The following ATRX variants were observed in gnomAD, a reference collection of about 807,000 sequenced individuals.
The protein encoded by ATRX is chromatin remodeler ATRX.
ATRX carries 12 observed loss-of-function variants against 172.6 expected under a neutral mutation model. That is an observed-to-expected ratio of 0.07 (90% CI 0.04 to 0.11). The LOEUF is 0.11. Among genes scored for constraint, ATRX ranks in the 10% least tolerant of loss-of-function variants. ATRX has a pLI of 1.00. For synonymous variants in ATRX, 674 were observed against 594.7 expected (o/e 1.13, Z -1.94); for missense variants, 1,368 against 1,767.4 (o/e 0.77, Z 4.05).
intron 14 of ATRX, among the ~76,000 whole-genome samples, chrX:77,653,408 A>G (rs990360920): frequency 4.5e-5 from 5 of 112,179 alleles, no homozygotes; most frequent in African/African-American, 1.6e-4. Flanking sequence ...ACATGGATGA[A>G]CCTAGAAAAT....
At chrX:77,697,074 C>A (rs1213107753) in intron 4 of ATRX, among the ~76,000 whole-genome samples, 1 of 112,182 alleles carries the variant, frequency 8.9e-6, no homozygotes, top group African/African-American at 3.2e-5. Flanking sequence ...AACAATTATA[C>A]TGCATAGTAT....
chrX:77,531,011 C>T (rs949458561), intron 30 of ATRX, among the ~76,000 whole-genome samples: 5 of 112,052 alleles, frequency 4.5e-5, no homozygotes, highest in South Asian at 3.7e-4. Flanking sequence ...AATACCTCTG[C>T]GCATATAAAC....
chrX:77,569,337 T>C (rs2065323952), intron 28 of ATRX, among the ~76,000 whole-genome samples: 1 of 110,674 alleles, frequency 9.0e-6, no homozygotes, highest in Non-Finnish European at 1.9e-5. Context: ...GAGCTGAAAA[T>C]ATCGGAAGCA....
chrX:77,650,501 A>G (rs1347258218), intron 15 of ATRX, among the ~76,000 whole-genome samples: 4 of 112,266 alleles, frequency 3.6e-5, no homozygotes, highest in African/African-American at 1.3e-4. Flanking sequence ...CCAAAGAGAA[A>G]CTAGGTTAAA....
intron 1 of ATRX, among the ~76,000 whole-genome samples, chrX:77,758,706 C>T (rs1257193518): frequency 9.1e-6 from 1 of 110,044 alleles, no homozygotes; most frequent in East Asian, 2.8e-4. Flanking sequence ...TGCAGTGAGC[C>T]GAGATCACGC....
At chrX:77,677,982 G>A (rs1350736172) in intron 9 of ATRX, among the ~76,000 whole-genome samples, 1 of 110,947 alleles carries the variant, frequency 9.0e-6, no homozygotes, top group Non-Finnish European at 1.9e-5. Context: ...TGAGGCAGGC[G>A]GATCACTTGA....
chrX:77,506,619 C>T lies in ATRX; in HGVS notation c.*1732G>A, dbSNP rs781913143. 3 of 173,264 alleles carry T rather than the reference C, an allele frequency of 1.7e-5. No homozygotes were observed. The highest frequency in any genetic ancestry group is 3.3e-5 in the Non-Finnish European group (3 of 91,109). 14.3% of individuals were successfully genotyped at this position (173,264 alleles called of 1,213,427 possible). A position where few individuals can be genotyped will look rare whatever the true frequency, so the allele number is the denominator to read the frequency against. ...TAAAGTAAATACACACCTGCCCCAC[C>T]CAATTAAATAAATCTGATTACATGG... On this transcript the variant is annotated 3_prime_UTR_variant, in exon 35 of 35. Transcript: ENST00000373344.
Position 77,683,597 on chromosome X carries a change from T to C in ATRX, c.1659A>G (p.Glu553=), listed in dbSNP as rs782238205. 2.5e-6 allele frequency: 3 copies of C among 1,211,834 alleles called. No individual in the cohort carries two copies. The South Asian group carries it at 5.3e-5, about 21-fold the overall frequency. The change falls in exon 9 of 35, where the codon GAA becomes GAG. Residue 553 remains glutamate (E), a synonymous_variant. Coordinates refer to ENST00000373344, the MANE Select transcript of ATRX (RefSeq NM_000489.6). ...DHQGDGSSGT[E]QEVESSSVKL... ...TTACAGATGAACTCTCCACTTCTTG[T>C]TCAGTTCCACTGCTGCCATCCCCTT...
chrX:77,685,106 A>T, intron 7 of ATRX, 100 bp from the exon 8 acceptor site: 1 of 653,444 alleles, frequency 1.5e-6, no homozygotes, highest in Non-Finnish European at 2.5e-6. Context: ...ACACTGGGGA[A>T]AATCTCCAGG....
At chrX:77,768,981 C>G (rs2076065356) in intron 1 of ATRX, among the ~76,000 whole-genome samples, 1 of 111,268 alleles carries the variant, frequency 9.0e-6, no homozygotes, top group Admixed American at 9.7e-5. Context: ...CCACAAACCA[C>G]CATCACAAGC....
At position 77,619,022 on chromosome X, in the gene ATRX, G is replaced by A. The variant is rs782377631; in HGVS notation, c.5273-41C>T. ...TTATTCATTAACAACATTAACAATCGTTAAAAAGACTTAGAAAAATTCCCC... is the reference window on the plus strand; with the variant it reads ...TTATTCATTAACAACATTAACAATCATTAAAAAGACTTAGAAAAATTCCCC... On this transcript the variant is annotated intron_variant, in intron 20 of 34. Transcript: ENST00000373344. 29 of 996,415 alleles carry A rather than the reference G, an allele frequency of 2.9e-5. 2 individuals are homozygous for A. The South Asian group carries it at 2.9e-4, about 10-fold the overall frequency. 82.1% of individuals were successfully genotyped at this position (996,415 alleles called of 1,213,427 possible). A position where few individuals can be genotyped will look rare whatever the true frequency, so the allele number is the denominator to read the frequency against.
intron 19 of ATRX, among the ~76,000 whole-genome samples, chrX:77,624,063 C>T (rs1162765108): frequency 9.0e-6 from 1 of 111,493 alleles, no homozygotes; most frequent in Non-Finnish European, 1.9e-5. Context: ...AGCAATCAGA[C>T]GAAAGAAATA....
At chrX:77,521,349 G>T in intron 33 of ATRX, 54 bp downstream of exon 33, 1 of 952,347 alleles carries the variant, frequency 1.1e-6, no homozygotes, top group Non-Finnish European at 1.5e-6. Context: ...ATGGCAGTAG[G>T]GGGTGGAGGG....
Position 77,696,721 on chromosome X carries a change from T to C in ATRX, c.243-17A>G. 8.4e-7 allele frequency: 1 copy of C among 1,183,806 alleles called. No homozygotes were observed. The highest frequency in any genetic ancestry group is 1.1e-6 in the Non-Finnish European group (1 of 871,834). The stretch of plus-strand genomic sequence containing the variant: ...GAAGGTTTCCTATGAAAGAATTAAG[T>C]TCATAGAATTATGAATGTTTCTGAC... On this transcript the variant is annotated splice_polypyrimidine_tract_variant and intron_variant, in intron 4 of 34. Transcript: ENST00000373344.
intron 2 of ATRX, among the ~76,000 whole-genome samples, chrX:77,709,160 G>A (rs782806078): frequency 9.0e-6 from 1 of 111,576 alleles, no homozygotes; most frequent in African/African-American, 3.3e-5. Context: ...CTTGAGCCTA[G>A]GAGTTTGAGG....
intron 15 of ATRX, chrX:77,651,845 C>G: frequency 8.9e-6 from 3 of 335,590 alleles, no homozygotes; most frequent in Non-Finnish European, 1.6e-5. Context: ...GGTAACAGAG[C>G]CAGACTCCGT....
chrX:77,597,574 A>T (rs1557084612), intron 25 of ATRX, among the ~76,000 whole-genome samples: 1 of 111,957 alleles, frequency 8.9e-6, no homozygotes, highest in Non-Finnish European at 1.9e-5. Context: ...AATATCCAGA[A>T]TCTATAAGGA....
At position 77,652,303 on chromosome X, in the gene ATRX, C is replaced by T. The variant is rs1557117399; in HGVS notation, c.4368G>A (p.Glu1456=). Residue 1456 remains glutamate, a synonymous_variant, in exon 15 of 35, where the codon GAG becomes GAA. Transcript: ENST00000373344. ...CTTCCTCCTCCTCTTCCTCCTCCTC[C>T]TCCTCTTCCTCCTCCTCTTCTTTTT... is the stretch of plus-strand genomic sequence containing the variant. ...EEEKEEEEEE[E]EEEEEEEEDE... is the part of the protein sequence containing the mutation. The T allele has an allele frequency of 5.0e-6, 6 of 1,206,446 alleles. No individual in the cohort carries two copies.
chrX:77,533,049 T>C (rs1442421200), intron 30 of ATRX, among the ~76,000 whole-genome samples: 1 of 112,400 alleles, frequency 8.9e-6, no homozygotes, highest in African/African-American at 3.2e-5. Flanking sequence ...AAGCTCATCA[T>C]CACTGATCGT....
Sources: allele counts gnomAD v4.1 joint callset (sites outside exome capture counted in the v4.1 genomes callset), GRCh38; gene constraint gnomAD v4.1.1; transcripts MANE v1.5; gene names NCBI Gene and HGNC (gene_info 2026-07-23, HGNC 2026-07-21).